The following RGL1 variants were observed in gnomAD, a reference collection of about 807,000 sequenced individuals.
RGL1 encodes ral guanine nucleotide dissociation stimulator like 1.
A neutral mutation model predicts 95.2 loss-of-function variants in RGL1; 24 were observed. The ratio of observed to expected loss-of-function variants is 0.25; its 90% CI spans 0.18 to 0.35. The LOEUF (loss-of-function observed/expected upper bound fraction) is 0.35, where lower values mean the gene tolerates loss of function less well. Ranked by LOEUF, RGL1 falls within the 10% of genes least tolerant of loss-of-function variation. The pLI is 1.00. For missense variants in RGL1, 715 were observed against 936.3 expected (o/e 0.76, Z 3.08); for synonymous variants, 329 against 344.9 (o/e 0.95, Z 0.51).
At position 183,643,262 on chromosome 1, in the gene RGL1, TTTTATTTATTTATTTA is replaced by T. The variant is rs374025637; in HGVS notation, c.-33+6793_-33+6808del. Among the ~76,000 whole-genome samples the T allele has an allele frequency of 7.8e-3, 1,058 of 136,484 alleles. 11 individuals are homozygous for T. The highest frequency in any genetic ancestry group is 9.6e-3 in the Non-Finnish European group (617 of 64,378). The allele number at this position is 136,484 out of a possible 152,430, so 89.5% of individuals were successfully genotyped here. On this transcript the variant is annotated intron_variant, in intron 1 of 18. Transcript: ENST00000304685. ...GAACTATCTCTTTGAGGTCCTGTTTTTTTATTTATTTATTTATTTATTTATTTATTTATTTATTTAT... is the reference window on the plus strand; with the variant it reads ...GAACTATCTCTTTGAGGTCCTGTTTTTTTATTTATTTATTTATTTATTTAT...
intron 1 of RGL1, among the ~76,000 whole-genome samples, chr1:183,805,966 CTTTTCTTTTTTTTTT>C (rs1661276708): frequency 1.4e-3 from 39 of 28,372 alleles, no homozygotes; most frequent in Admixed American, 0.011. Flanking sequence ...TTTTTCTTTT[CTTTTCTTTTTTTTTT>C]TTTTTTTTTT....
chr1:183,873,142 T>C (rs1484782384), intron 4 of RGL1, among the ~76,000 whole-genome samples: 2 of 152,166 alleles, frequency 1.3e-5, no homozygotes, highest in Admixed American at 1.3e-4. Context: ...ACAACATTGA[T>C]AATCAATGGC....
rs201273733 is a variant in RGL1 at position 183,648,499 on chromosome 1, C to T, written c.-33+11998C>T. On this transcript the variant is annotated intron_variant, in intron 1 of 18. Transcript: ENST00000304685. Reference sequence around the variant, plus strand: ...CCATTCATTTCAAAGAGCATTGATTCTGGATGGATATAATTCCCAGTGCAA... The same window carrying T: ...CCATTCATTTCAAAGAGCATTGATTTTGGATGGATATAATTCCCAGTGCAA... The T allele has an allele frequency of 3.7e-6, 6 of 1,614,164 alleles. No homozygotes were observed. The East Asian group carries it at 1.3e-4, about 36-fold the overall frequency.
At chr1:183,902,758 C>A (rs1668101548) in intron 12 of RGL1, among the ~76,000 whole-genome samples, 158 bp downstream of exon 12, 1 of 151,912 alleles carries the variant, frequency 6.6e-6, no homozygotes, top group Non-Finnish European at 1.5e-5. Context: ...ATACATTATC[C>A]CCCACTAGCC....
rs866725325 is a variant in RGL1, at chr1:183,883,976, C to A, written c.735+66C>A. The A allele has an allele frequency of 1.4e-5, 21 of 1,536,254 alleles. No homozygotes were observed. In the Middle Eastern group the frequency reaches 2.2e-3, roughly 162 times the overall value. Reference sequence around the variant, plus strand: ...ACATAGGGGAGTGATGGCACTGGTGCCCCGGTGACAGCAGTGGGATAATGT... The same window carrying A: ...ACATAGGGGAGTGATGGCACTGGTGACCCGGTGACAGCAGTGGGATAATGT... On this transcript the variant is annotated intron_variant, in intron 6 of 17. Transcript: ENST00000360851.
chr1:183,802,600 CAA>C (rs34038144), upstream of RGL1, among the ~76,000 whole-genome samples: 12,460 of 90,092 alleles, frequency 0.14, 640 homozygotes, highest in East Asian at 0.42. Context: ...GGTGTATCAG[CAA>C]AAAAAAAAAA....
intron 9 of RGL1, among the ~76,000 whole-genome samples, chr1:183,893,999 T>G (rs1181511373): frequency 1.3e-5 from 2 of 152,228 alleles, no homozygotes; most frequent in African/African-American, 2.4e-5. Flanking sequence ...GGGCAGTATG[T>G]GCTGATGTCT....
At chr1:183,856,383 T>C (rs1222207896) in intron 3 of RGL1, among the ~76,000 whole-genome samples, 1 of 151,458 alleles carries the variant, frequency 6.6e-6, no homozygotes, top group Non-Finnish European at 1.5e-5. Context: ...CTGTGGGGGG[T>C]TACTAAAATT....
rs58775038 is a variant in RGL1, at chr1:183,752,706, T to TCTCTCTCTCTCTCTCTCTCTCTCTCTCTC, written c.132+10417_132+10418insCTCTCTCTCTCTCTCTCTCTCTCTCTCTC. ...TCTCTCTCTCTCTCTCTCTCTCTCT[T>TCTCTCTCTCTCTCTCTCTCTCTCTCTCTC]TCCCCTTTCCTCTCTTTGGCCTTAA... On this transcript the variant is annotated intron_variant, in intron 2 of 18. Coordinates refer to the RGL1 transcript ENST00000304685. Among the ~76,000 whole-genome samples the TCTCTCTCTCTCTCTCTCTCTCTCTCTCTC allele has an allele frequency of 4.0e-4, 44 of 110,176 alleles. 4 individuals carry two copies. Among genetic ancestry groups the TCTCTCTCTCTCTCTCTCTCTCTCTCTCTC allele is most frequent in the African/African-American group, 1.5e-3 (39 of 25,834 alleles). The allele number at this position is 110,176 out of a possible 152,430, so 72.3% of individuals were successfully genotyped here.
chr1:183,884,958 T>C lies in RGL1; in HGVS notation c.951+20T>C. ...GCTCATGTAATTGTCTTTTATAAAA[T>C]ATTCTTTGTGTTTGGTAGATGCAAG... On this transcript the variant is annotated intron_variant, in intron 7 of 17. Coordinates refer to ENST00000360851, the MANE Select transcript of RGL1 (RefSeq NM_001297671.3). 1 of 1,602,954 alleles carries C rather than the reference T, an allele frequency of 6.2e-7. No homozygotes were observed. Among genetic ancestry groups the C allele is most frequent in the Non-Finnish European group, 8.5e-7 (1 of 1,171,256 alleles).
At chr1:183,879,622 A>G (rs540955576) in intron 4 of RGL1, among the ~76,000 whole-genome samples, 1 of 152,326 alleles carries the variant, frequency 6.6e-6, no homozygotes, top group African/African-American at 2.4e-5. Context: ...AGCAGTGACT[A>G]TTCCGGGACC....
chr1:183,732,970 T>TTA (rs1656718190), intron 1 of RGL1, among the ~76,000 whole-genome samples: 1 of 152,172 alleles, frequency 6.6e-6, no homozygotes, highest in Non-Finnish European at 1.5e-5. Flanking sequence ...TGGTTCACTC[T>TTA]AAAATAATGC....
At chr1:183,720,421 C>T (rs1032800002) in intron 1 of RGL1, among the ~76,000 whole-genome samples, 5 of 152,166 alleles carry the variant, frequency 3.3e-5, no homozygotes, top group African/African-American at 9.7e-5. Context: ...GCTTTGTTAC[C>T]ATTCTTTTTA....
chr1:183,752,733 A>G (rs368636796), intron 2 of RGL1, among the ~76,000 whole-genome samples: 75 of 115,708 alleles, frequency 6.5e-4, no homozygotes, highest in African/African-American at 2.6e-3. Flanking sequence ...TGGCCTTAAG[A>G]TGTCTTTATT....
At chr1:183,880,494 T>A (rs1666762151) in intron 4 of RGL1, 122 bp from the exon 5 acceptor site, 2 of 683,638 alleles carry the variant, frequency 2.9e-6, no homozygotes, top group Admixed American at 5.5e-5. Flanking sequence ...TTTGGATGAA[T>A]GATCTGTTGA....
At chr1:183,862,084 G>A (rs1051450793) in intron 3 of RGL1, among the ~76,000 whole-genome samples, 1 of 152,130 alleles carries the variant, frequency 6.6e-6, no homozygotes, top group Non-Finnish European at 1.5e-5. Context: ...GCTTATGCCT[G>A]TAATCCCAGC....
chr1:183,712,478 AGAGT>A (rs1364425195), intron 1 of RGL1, among the ~76,000 whole-genome samples: 2 of 152,216 alleles, frequency 1.3e-5, no homozygotes, highest in African/African-American at 2.4e-5. Flanking sequence ...AAAGAGAGAC[AGAGT>A]GAGAGAGAGA....
At chr1:183,746,700 G>C (rs115910317) in intron 2 of RGL1, among the ~76,000 whole-genome samples, 2,002 of 150,860 alleles carry the variant, frequency 0.013, 42 homozygotes, top group African/African-American at 0.047. Flanking sequence ...AGAACATGCA[G>C]GTTTGTTATA....
intron 12 of RGL1, among the ~76,000 whole-genome samples, chr1:183,903,873 C>T (rs970314289): frequency 3.9e-5 from 6 of 152,134 alleles, no homozygotes; most frequent in Non-Finnish European, 7.3e-5. Context: ...CCCATATAGA[C>T]GATACTTTTT....
Sources: allele counts gnomAD v4.1 joint callset (sites outside exome capture counted in the v4.1 genomes callset), GRCh38; gene constraint gnomAD v4.1.1; transcripts MANE v1.5; gene names NCBI Gene and HGNC (gene_info 2026-07-23, HGNC 2026-07-21).